The following CPA6 variants were observed in gnomAD, a reference collection of about 807,000 sequenced individuals.
CPA6 encodes the protein carboxypeptidase A6, also known as carboxypeptidase B.
Under a neutral mutation model 63.3 loss-of-function variants are expected in CPA6, and 58 were observed. The ratio of observed to expected loss-of-function variants is 0.92; its 90% confidence interval spans 0.74 to 1.14. The LOEUF (loss-of-function observed/expected upper bound fraction) is 1.14, where lower values mean the gene tolerates loss of function less well. Ranked by LOEUF, CPA6 falls within the 50% of genes most tolerant of loss-of-function variation. The probability of loss-of-function intolerance (pLI) is 0.00; values close to 1 mark genes in which losing one functional copy is unlikely to be tolerated. For missense variants in CPA6, 565 were observed against 526.6 expected (o/e 1.07, Z -0.71); for synonymous variants, 185 against 179.0 (o/e 1.03, Z -0.27).
intron 2 of CPA6, among the ~76,000 whole-genome samples, chr8:67,616,543 G>T (rs1366058286): frequency 6.8e-6 from 1 of 146,732 alleles, no homozygotes; most frequent in East Asian, 2.0e-4. Flanking sequence ...GTGTGTGTGT[G>T]TGTGTGTGTT....
intron 2 of CPA6, among the ~76,000 whole-genome samples, chr8:67,532,112 TA>T (rs534180804): frequency 6.6e-6 from 1 of 150,598 alleles, no homozygotes; most frequent in African/African-American, 2.4e-5. Flanking sequence ...TACAAAAAAG[TA>T]AAAAAAATAA....
intron 1 of CPA6, among the ~76,000 whole-genome samples, chr8:67,677,294 G>A (rs1816496108): frequency 6.7e-6 from 1 of 150,158 alleles, no homozygotes. Flanking sequence ...CCACTGCCTA[G>A]TCATTTCTGC....
At position 67,497,616 on chromosome 8, in the gene CPA6, C is replaced by G. The variant is rs141300140; in HGVS notation, c.636+9171G>C. Among the ~76,000 whole-genome samples, 25 of 152,186 alleles carry G rather than the reference C, an allele frequency of 1.6e-4. No homozygotes were observed. In the East Asian group the frequency reaches 4.6e-3, roughly 28 times the overall value. On this transcript the variant is annotated intron_variant, in intron 6 of 10. Transcript: ENST00000297770. ...ACACATAGGAGTGGAATTTTGGGGT[C>G]ACATAGTAACTCTATGTTTAACTTT... is the stretch of plus-strand genomic sequence containing the variant.
intron 1 of CPA6, among the ~76,000 whole-genome samples, chr8:67,734,100 A>ATT (rs1426574618): frequency 2.5e-4 from 38 of 150,464 alleles, no homozygotes; most frequent in African/African-American, 9.3e-4. Context: ...TGGGTCTCCA[A>ATT]CTCCTGGGCT....
In CPA6 at chr8:67,678,227, T is replaced by TCACACA. The variant is rs1229557199; in HGVS notation, c.117-53982_117-53977dup. Among the ~76,000 whole-genome samples the TCACACA allele has an allele frequency of 2.1e-3, 267 of 127,652 alleles. 1 individual carries two copies. The highest frequency in any genetic ancestry group is 2.9e-3 in the Non-Finnish European group (182 of 63,146). 83.7% of individuals were successfully genotyped at this position (127,652 alleles called of 152,430 possible). ...TGGGAGATAATTGTAAAACTCTGTC[T>TCACACA]CACACACACACACACACACACACAC... On this transcript the variant is annotated intron_variant, in intron 1 of 10. Transcript: ENST00000297770.
At chr8:67,616,477 A>C (rs116551990) in intron 2 of CPA6, among the ~76,000 whole-genome samples, 4 of 148,554 alleles carry the variant, frequency 2.7e-5, no homozygotes, top group African/African-American at 7.5e-5. Context: ...GTCATCCTCC[A>C]TCTGGGATTT....
chr8:67,488,965 G>T (rs1353865054), intron 6 of CPA6, among the ~76,000 whole-genome samples: 1 of 152,128 alleles, frequency 6.6e-6, no homozygotes, highest in Non-Finnish European at 1.5e-5. Flanking sequence ...AGACGATGGG[G>T]TTTTCTAAAT....
chr8:67,513,852 T>C (rs962587795), intron 3 of CPA6, among the ~76,000 whole-genome samples: 1 of 152,132 alleles, frequency 6.6e-6, no homozygotes, highest in Non-Finnish European at 1.5e-5. Context: ...GTTGTGTATA[T>C]TCCTGTAATG....
In CPA6 at chr8:67,607,155, T is replaced by C. The variant is rs1303887938; in HGVS notation, c.192+17021A>G. ...CTCCTCCCCCTCCTCCCCCCCCTCC[T>C]CTTCTTCTTCTTCCTCTTCTTCTTC... On this transcript the variant is annotated intron_variant, in intron 2 of 10. Coordinates refer to ENST00000297770, the MANE Select transcript of CPA6 (RefSeq NM_020361.5). Among the ~76,000 whole-genome samples, 327 of 84,708 alleles carry C rather than the reference T, an allele frequency of 3.9e-3. 51 individuals carry two copies. The highest frequency in any genetic ancestry group is 0.011 in the Middle Eastern group (2 of 178). The allele number at this position is 84,708 out of a possible 152,430, so 55.6% of individuals were successfully genotyped here.
At chr8:67,498,814 C>T (rs929869885) in intron 6 of CPA6, among the ~76,000 whole-genome samples, 2 of 152,098 alleles carry the variant, frequency 1.3e-5, no homozygotes, top group African/African-American at 2.4e-5. Flanking sequence ...CTTAATTCTA[C>T]TTACATGATT....
At chr8:67,595,587 G>T (rs1385994800) in intron 2 of CPA6, among the ~76,000 whole-genome samples, 7 of 152,238 alleles carry the variant, frequency 4.6e-5, no homozygotes, top group Non-Finnish European at 7.3e-5. Context: ...CTGGGCAATG[G>T]CGGGCGCCCC....
At chr8:67,515,834 T>C (rs1812133655) in intron 3 of CPA6, among the ~76,000 whole-genome samples, 2 of 152,196 alleles carry the variant, frequency 1.3e-5, no homozygotes, top group Non-Finnish European at 2.9e-5. Context: ...ATAAACATTC[T>C]ACCCCCGGAC....
chr8:67,700,488 A>C (rs1414362459), intron 1 of CPA6, among the ~76,000 whole-genome samples: 1 of 145,532 alleles, frequency 6.9e-6, no homozygotes, highest in Non-Finnish European at 1.5e-5. Context: ...TTGTAAGTCA[A>C]TAGATGTTGT....
At chr8:67,665,601 T>G (rs190121275) in intron 1 of CPA6, among the ~76,000 whole-genome samples, 6 of 152,340 alleles carry the variant, frequency 3.9e-5, no homozygotes, top group Admixed American at 3.3e-4. Flanking sequence ...CTCATCTTCT[T>G]GCTTCTTTCT....
intron 8 of CPA6, among the ~76,000 whole-genome samples, chr8:67,459,096 G>C (rs1168047134): frequency 6.6e-6 from 1 of 152,116 alleles, no homozygotes; most frequent in African/African-American, 2.4e-5. Context: ...ATGGACACAT[G>C]GATGTTTACA....
intron 2 of CPA6, among the ~76,000 whole-genome samples, chr8:67,582,546 G>A (rs1253213524): frequency 6.6e-6 from 1 of 152,208 alleles, no homozygotes; most frequent in Non-Finnish European, 1.5e-5. Flanking sequence ...TGTAATGCAT[G>A]GCTATGAATA....
chr8:67,452,954 A>C lies in CPA6; in HGVS notation c.839-18714T>G, dbSNP rs146893406. Among the ~76,000 whole-genome samples, 402 of 152,340 alleles carry C rather than the reference A, an allele frequency of 2.6e-3. 6 individuals carry two copies. The highest frequency in any genetic ancestry group is 8.9e-3 in the African/African-American group (368 of 41,572). ...AATGAGGATAGAAATAGATGAGATC[A>C]ATCGATGGGGGACCAGATTATGTGA... On this transcript the variant is annotated intron_variant, in intron 8 of 10. Transcript: ENST00000297770.
intron 2 of CPA6, among the ~76,000 whole-genome samples, chr8:67,566,776 A>G (rs539838912): frequency 1.3e-5 from 2 of 152,356 alleles, no homozygotes; most frequent in Middle Eastern, 3.4e-3. Flanking sequence ...CTGCTGGAGA[A>G]GCACAGGGAA....
chr8:67,745,231 A>C (rs1049539072), intron 1 of CPA6, among the ~76,000 whole-genome samples: 1 of 152,222 alleles, frequency 6.6e-6, no homozygotes, highest in African/African-American at 2.4e-5. Flanking sequence ...AGGTTTTTCC[A>C]GATCTAAAGT....
Sources: allele counts gnomAD v4.1 joint callset (sites outside exome capture counted in the v4.1 genomes callset), GRCh38; gene constraint gnomAD v4.1.1; transcripts MANE v1.5; gene names NCBI Gene and HGNC (gene_info 2026-07-23, HGNC 2026-07-21).